The following TANC2 variants were observed in gnomAD, a reference collection of about 807,000 sequenced individuals.
The protein encoded by TANC2 is tetratricopeptide repeat, ankyrin repeat and coiled-coil containing 2.
Under a neutral mutation model 210.5 loss-of-function variants are expected in TANC2, and 26 were observed. The observed-to-expected ratio is 0.12, with a 90% CI of 0.09 to 0.17. The LOEUF is 0.17. Among genes scored for constraint, TANC2 ranks in the 10% least tolerant of loss-of-function variants. The pLI is 1.00. For synonymous variants in TANC2, 931 were observed against 967.1 expected (o/e 0.96, Z 0.69); for missense variants, 2,129 against 2,608.9 (o/e 0.82, Z 4.01).
At chr17:63,392,419 A>G (rs2048010603) in intron 17 of TANC2, among the ~76,000 whole-genome samples, 1 of 152,092 alleles carries the variant, frequency 6.6e-6, no homozygotes, top group African/African-American at 2.4e-5. Context: ...AGAACTAGGG[A>G]GTCATTGACA....
chr17:63,234,509 C>T (rs145108014), intron 7 of TANC2, among the ~76,000 whole-genome samples: 7 of 152,266 alleles, frequency 4.6e-5, no homozygotes, highest in African/African-American at 1.2e-4. Flanking sequence ...TGCTGAGGGT[C>T]TCCTGAATGT....
At chr17:62,999,642 A>T (rs1196212529) in intron 1 of TANC2, among the ~76,000 whole-genome samples, 2 of 151,584 alleles carry the variant, frequency 1.3e-5, no homozygotes, top group East Asian at 1.9e-4. Context: ...TTTTTTAGCT[A>T]ATCAACTATT....
chr17:63,406,414 T>A (rs1438149487), intron 21 of TANC2, 137 bp downstream of exon 21: 1 of 1,189,782 alleles, frequency 8.4e-7, no homozygotes, highest in Admixed American at 2.0e-5. Flanking sequence ...GGCTATCTCC[T>A]CCCCTCTTGT....
chr17:63,393,298 T>C (rs980060069), intron 17 of TANC2: 2 of 152,176 alleles, frequency 1.3e-5, no homozygotes, highest in East Asian at 3.9e-4. Context: ...GCACTAGAAG[T>C]CCCTGCTGTT....
chr17:63,249,653 G>C (rs923330891), intron 8 of TANC2, among the ~76,000 whole-genome samples: 2 of 152,134 alleles, frequency 1.3e-5, no homozygotes, highest in African/African-American at 4.8e-5. Flanking sequence ...AATACAGAAC[G>C]GGAATCTAGG....
At chr17:63,009,304 G>T (rs1211350673) in intron 1 of TANC2, among the ~76,000 whole-genome samples, 1 of 151,584 alleles carries the variant, frequency 6.6e-6, no homozygotes, top group Non-Finnish European at 1.5e-5. Flanking sequence ...TACATAGTAG[G>T]TGTATATATT....
intron 4 of TANC2, among the ~76,000 whole-genome samples, chr17:63,115,421 A>G (rs2038215056): frequency 6.6e-6 from 1 of 152,156 alleles, no homozygotes; most frequent in Admixed American, 6.5e-5. Flanking sequence ...CCAAGTTACT[A>G]TTTTCTGAAG....
intron 5 of TANC2, chr17:63,182,956 A>C (rs1445976069): frequency 6.6e-6 from 1 of 152,332 alleles, no homozygotes; most frequent in Admixed American, 6.5e-5. Flanking sequence ...TGAAGATTTC[A>C]GATGAATTCG....
At chr17:62,999,195 A>G (rs182962466) in intron 1 of TANC2, among the ~76,000 whole-genome samples, 2 of 151,480 alleles carry the variant, frequency 1.3e-5, no homozygotes, top group Non-Finnish European at 2.9e-5. Context: ...AGTCTGTGGC[A>G]CCTCCCCCCA....
intron 1 of TANC2, among the ~76,000 whole-genome samples, chr17:62,988,689 C>T (rs2032701908): frequency 2.0e-5 from 3 of 152,206 alleles, no homozygotes; most frequent in Non-Finnish European, 4.4e-5. Context: ...GAATAAAGAA[C>T]GGAAGCAATT....
At chr17:63,323,466 A>G (rs2045557627) in intron 11 of TANC2, among the ~76,000 whole-genome samples, 1 of 152,204 alleles carries the variant, frequency 6.6e-6, no homozygotes, top group South Asian at 2.1e-4. Context: ...CTTCTAAAGC[A>G]TAATCACAGT....
intron 4 of TANC2, among the ~76,000 whole-genome samples, chr17:63,133,970 A>G (rs2145244331): frequency 1.3e-5 from 2 of 152,304 alleles, no homozygotes; most frequent in South Asian, 2.1e-4. Context: ...TAAAATATTC[A>G]AAAAGGAACT....
At chr17:63,207,279 A>T (rs995285906) in intron 7 of TANC2, among the ~76,000 whole-genome samples, 1 of 132,268 alleles carries the variant, frequency 7.6e-6, no homozygotes, top group African/African-American at 2.9e-5. Flanking sequence ...GCGGTTGCGC[A>T]GTCTCGGCTC....
chr17:63,017,520 G>A (rs1568320665), intron 2 of TANC2, among the ~76,000 whole-genome samples: 1 of 152,042 alleles, frequency 6.6e-6, no homozygotes, highest in Non-Finnish European at 1.5e-5. Context: ...TGATGCACAT[G>A]GAATACAGGG....
intron 14 of TANC2, among the ~76,000 whole-genome samples, chr17:63,370,182 CTT>C (rs568393678): frequency 9.2e-5 from 12 of 131,042 alleles, no homozygotes; most frequent in Admixed American, 1.5e-4. Flanking sequence ...CTTTTTTTTT[CTT>C]TTTTTTTTTT....
intron 4 of TANC2, among the ~76,000 whole-genome samples, chr17:63,113,910 T>A (rs2038151209): frequency 3.9e-5 from 6 of 152,242 alleles, no homozygotes; most frequent in Admixed American, 3.3e-4. Context: ...CCAGAGTTGG[T>A]TGAACATCTC....
At chr17:63,166,925 G>A (rs1051379033) in intron 5 of TANC2, among the ~76,000 whole-genome samples, 1 of 152,090 alleles carries the variant, frequency 6.6e-6, no homozygotes, top group African/African-American at 2.4e-5. Flanking sequence ...TTCAGTTAAG[G>A]GGATAGGAAT....
At chr17:63,195,908 G>A (rs1281695768) in intron 6 of TANC2, among the ~76,000 whole-genome samples, 1 of 151,966 alleles carries the variant, frequency 6.6e-6, no homozygotes, top group Non-Finnish European at 1.5e-5. Flanking sequence ...TTTCACGCAC[G>A]GCTCTCCAGC....
chr17:63,027,641 G>A (rs2034608006), intron 2 of TANC2, among the ~76,000 whole-genome samples: 2 of 151,572 alleles, frequency 1.3e-5, no homozygotes, highest in Admixed American at 6.6e-5. Flanking sequence ...CTGTTTTTTT[G>A]AGATATATGG....
Sources: allele counts gnomAD v4.1 joint callset (sites outside exome capture counted in the v4.1 genomes callset), GRCh38; gene constraint gnomAD v4.1.1; transcripts MANE v1.5; gene names NCBI Gene and HGNC (gene_info 2026-07-23, HGNC 2026-07-21).